Variants in ZFAND4 observed in about 807,000 individuals in gnomAD.
The protein encoded by ZFAND4 is zinc finger AN1-type containing 4.
Under a neutral mutation model 64.4 loss-of-function variants are expected in ZFAND4, and 43 were observed. The observed-to-expected ratio is 0.67, with a 90% confidence interval of 0.52 to 0.86. ZFAND4 has a LOEUF of 0.86. Among genes scored for constraint, ZFAND4 ranks in the 40% least tolerant of loss-of-function variants. The pLI, the probability that ZFAND4 is intolerant of heterozygous loss-of-function variation, is 0.00. For missense variants in ZFAND4, 929 were observed against 859.8 expected, an observed-to-expected ratio of 1.08 and a Z score of -1.01; for synonymous variants, 296 against 305.7, an observed-to-expected ratio of 0.97 and a Z score of 0.33.
intron 1 of ZFAND4, among the ~76,000 whole-genome samples, chr10:45,671,140 A>G (rs2049157467): frequency 6.6e-6 from 1 of 152,232 alleles, no homozygotes; most frequent in Non-Finnish European, 1.5e-5. Context: ...ATACCATCTC[A>G]CACCAGTTAG....
Position 45,615,716 on chromosome 10 carries a change from T to C in ZFAND4, c.*720A>G, listed in dbSNP as rs944305945. The C allele has an allele frequency of 3.3e-5, 5 of 152,122 alleles. No homozygotes were observed. Among genetic ancestry groups the C allele is most frequent in the Non-Finnish European group, 7.4e-5 (5 of 68,022 alleles). The allele number at this position is 152,122 out of a possible 1,614,324, so 9.4% of individuals were successfully genotyped here. The stretch of plus-strand genomic sequence containing the variant: ...TTTCAAAAGGTAAAAAGTTGGCTTC[T>C]ATATTTAATGGCAAGTGGGACATCT... On this transcript the variant is annotated 3_prime_UTR_variant, in exon 10 of 10. Coordinates refer to ENST00000344646, the MANE Select transcript of ZFAND4 (RefSeq NM_174890.4).
chr10:45,627,730 A>C (rs1307462910), intron 6 of ZFAND4, among the ~76,000 whole-genome samples: 1 of 152,212 alleles, frequency 6.6e-6, no homozygotes, highest in Non-Finnish European at 1.5e-5. Context: ...GAGGGTGCCT[A>C]CAATGAAGAG....
At chr10:45,629,686 A>T (rs1367641530) in intron 6 of ZFAND4, among the ~76,000 whole-genome samples, 1 of 151,684 alleles carries the variant, frequency 6.6e-6, no homozygotes, top group Non-Finnish European at 1.5e-5. Context: ...CATGAGAAAA[A>T]CCCATCTCTA....
At chr10:45,661,323 T>C (rs972910716) in intron 2 of ZFAND4, among the ~76,000 whole-genome samples, 6 of 151,992 alleles carry the variant, frequency 3.9e-5, no homozygotes, top group African/African-American at 9.7e-5. Context: ...TCAAGGCCCA[T>C]TGTAAATCCC....
At chr10:45,671,300 T>C (rs1237687061) in intron 1 of ZFAND4, among the ~76,000 whole-genome samples, 5 of 152,160 alleles carry the variant, frequency 3.3e-5, no homozygotes, top group East Asian at 1.9e-4. Context: ...GAACTAGAAA[T>C]ACCATTTGAC....
intron 6 of ZFAND4, among the ~76,000 whole-genome samples, chr10:45,630,249 A>C (rs1229066279): frequency 1.3e-5 from 2 of 152,158 alleles, no homozygotes; most frequent in Admixed American, 1.3e-4. Context: ...ATATTTTTTA[A>C]AATCTCATCA....
At chr10:45,633,758 T>C (rs1404996789) in intron 6 of ZFAND4, among the ~76,000 whole-genome samples, 1 of 152,134 alleles carries the variant, frequency 6.6e-6, no homozygotes, top group Admixed American at 6.5e-5. Context: ...CCAAAAATGT[T>C]CAAATTCCAT....
intron 8 of ZFAND4, 37 bp from the exon 9 acceptor site, chr10:45,618,297 T>C (rs2045156850): frequency 6.2e-7 from 1 of 1,601,472 alleles, no homozygotes. Context: ...AACACAGGCA[T>C]AAAATCCTAA....
rs905555403 is a variant in ZFAND4, at chr10:45,668,421, C to A, written c.-118+3829G>T. Among the ~76,000 whole-genome samples the A allele has an allele frequency of 6.6e-5, 10 of 152,330 alleles. No individual in the cohort carries two copies. In the East Asian group the frequency reaches 1.9e-3, roughly 29 times the overall value. On this transcript the variant is annotated intron_variant, in intron 1 of 9. Transcript: ENST00000344646. ...AAGGAACAACCGGTACCAGCCACTG[C>A]AAAAACATGCCAAATGGTAAAGACC...
In ZFAND4 at chr10:45,616,151, C is replaced by T; in HGVS notation, c.*285G>A. 1 of 311,992 alleles carries T rather than the reference C, an allele frequency of 3.2e-6. No homozygotes were observed. The highest frequency in any genetic ancestry group is 5.9e-6 in the Non-Finnish European group (1 of 169,736). The allele number at this position is 311,992 out of a possible 1,614,324, so 19.3% of individuals were successfully genotyped here. A position where few individuals can be genotyped will look rare whatever the true frequency, so the allele number is the denominator to read the frequency against. Reference sequence around the variant, plus strand: ...TAAAGTGCATCTTTTGAAGATTTGCCTAGTAAAACTGCAATATCATATACA... The same window carrying T: ...TAAAGTGCATCTTTTGAAGATTTGCTTAGTAAAACTGCAATATCATATACA... On this transcript the variant is annotated 3_prime_UTR_variant, in exon 10 of 10. Transcript: ENST00000344646.
chr10:45,631,606 A>G (rs2046229129), intron 6 of ZFAND4, among the ~76,000 whole-genome samples: 1 of 152,220 alleles, frequency 6.6e-6, no homozygotes, highest in Admixed American at 6.5e-5. Flanking sequence ...CAATGGCAAT[A>G]TAAAAAGCAA....
intron 8 of ZFAND4, among the ~76,000 whole-genome samples, chr10:45,618,990 T>C (rs2045209863): frequency 6.6e-6 from 1 of 152,110 alleles, no homozygotes; most frequent in African/African-American, 2.4e-5. Context: ...TCAACTTGAG[T>C]TTTTACCTTA....
At chr10:45,636,837 G>A (rs539105878) in intron 6 of ZFAND4, among the ~76,000 whole-genome samples, 5 of 152,134 alleles carry the variant, frequency 3.3e-5, no homozygotes, top group South Asian at 2.1e-4. Flanking sequence ...CTGTTCCATC[G>A]ATTTTTGAGA....
intron 6 of ZFAND4, among the ~76,000 whole-genome samples, chr10:45,633,896 GA>G (rs2046381289): frequency 1.3e-5 from 2 of 152,204 alleles, no homozygotes; most frequent in South Asian, 4.1e-4. Flanking sequence ...TATAAAAGGA[GA>G]CTATGAAAAC....
chr10:45,623,543 C>G (rs2045586591), intron 8 of ZFAND4, among the ~76,000 whole-genome samples: 1 of 152,130 alleles, frequency 6.6e-6, no homozygotes, highest in African/African-American at 2.4e-5. Flanking sequence ...TGAAATAAGC[C>G]AGTCATAAAA....
chr10:45,637,413 C>A (rs1274959508), intron 6 of ZFAND4, among the ~76,000 whole-genome samples: 1 of 150,464 alleles, frequency 6.6e-6, no homozygotes, highest in Admixed American at 6.6e-5. Flanking sequence ...GCTTTAAAGA[C>A]CTGTGGTAGG....
chr10:45,671,821 TAAAAAAAA>T lies in ZFAND4; in HGVS notation c.-118+421_-118+428del, dbSNP rs199848014. Reference sequence around the variant, plus strand: ...CGTTGTGCACATGTACCCTAGAACTTAAAAAAAAAAAAAAAATCAATTCCCAAAGCATT... The same window carrying T: ...CGTTGTGCACATGTACCCTAGAACTTAAAAAAAATCAATTCCCAAAGCATT... On this transcript the variant is annotated intron_variant, in intron 1 of 9. Transcript: ENST00000344646. 7.8e-5 allele frequency among the ~76,000 whole-genome samples: 11 copies of T among 141,350 alleles called. No individual in the cohort carries two copies. In the South Asian group the frequency reaches 1.6e-3, roughly 20 times the overall value. 92.7% of individuals were successfully genotyped at this position (141,350 alleles called of 152,430 possible).
chr10:45,652,119 G>T, intron 3 of ZFAND4, 86 bp from the exon 4 acceptor site: 1 of 1,269,520 alleles, frequency 7.9e-7, no homozygotes, highest in Non-Finnish European at 1.1e-6. Flanking sequence ...GGCTTATCAG[G>T]CAGAGTGGCC....
At chr10:45,641,428 G>A (rs1237665906) in intron 5 of ZFAND4, among the ~76,000 whole-genome samples, 2 of 152,138 alleles carry the variant, frequency 1.3e-5, no homozygotes, top group Non-Finnish European at 2.9e-5. Flanking sequence ...AGCCTTAATG[G>A]GGTATATTCC....
Sources: gnomAD v4.1 joint callset for allele counts (sites outside exome capture counted in the v4.1 genomes callset) on GRCh38, gnomAD v4.1.1 for gene constraint, MANE v1.5 for transcripts, NCBI Gene and HGNC (gene_info 2026-07-23, HGNC 2026-07-21) for gene names.